The following TICRR variants were observed in gnomAD, a reference collection of about 807,000 sequenced individuals.
The protein encoded by TICRR is TOPBP1 interacting checkpoint and replication regulator.
A neutral mutation model predicts 178.1 loss-of-function variants in TICRR; 132 were observed. The ratio of observed to expected loss-of-function variants is 0.74; its 90% CI spans 0.64 to 0.86. The LOEUF (loss-of-function observed/expected upper bound fraction) is 0.86, where lower values mean the gene tolerates loss of function less well. TICRR is among the 40% of genes least tolerant of loss of function. The pLI, the probability that TICRR is intolerant of heterozygous loss-of-function variation, is 0.00. For synonymous variants in TICRR, 991 were observed against 900.7 expected (o/e 1.10, Z -1.79); for missense variants, 2,587 against 2,334.3 (o/e 1.11, Z -2.23).
rs1567045656 is a variant in TICRR at position 89,601,554 on chromosome 15, G to GA, written c.2313_2314insA (p.Glu772ArgfsTer8). 1 of 1,614,162 alleles carries GA rather than the reference G, an allele frequency of 6.2e-7. No individual in the cohort carries two copies. Among genetic ancestry groups the GA allele is most frequent in the Admixed American group, 1.7e-5 (1 of 60,018 alleles). On this transcript the variant is annotated frameshift_variant, in exon 11 of 22. Transcript: ENST00000268138. LOFTEE classifies it high-confidence loss of function. Reference sequence around the variant, plus strand: ...CAGCGTACCTAGCAGAGTTTCTGGAGGAAATTTTGAGATTGTAAGTTTGAT... The same window carrying GA: ...CAGCGTACCTAGCAGAGTTTCTGGAGAGAAATTTTGAGATTGTAAGTTTGAT...
intron 18 of TICRR, 63 bp downstream of exon 18, chr15:89,619,905 A>G: frequency 6.5e-7 from 1 of 1,532,528 alleles, no homozygotes; most frequent in Non-Finnish European, 8.8e-7. Context: ...TGTTTTTGGG[A>G]AAAGAAGCAA....
rs754886403 is a variant in TICRR at position 89,601,931 on chromosome 15, C to T, written c.2522C>T (p.Ser841Phe). Residue 841 changes from serine (S) to phenylalanine (F), a missense_variant, in exon 12 of 22, where the codon TCT (serine) becomes TTT (phenylalanine). Transcript: ENST00000268138. The part of the protein sequence containing the change: ...ARRSVSGSPE[S>F]DELQELRTRS... ...AGATCAGTGTCAGGCAGCCCTGAAT[C>T]TGATGAACTGCAGGAACTTCGTACC... 3.1e-6 allele frequency: 5 copies of T among 1,614,012 alleles called. No homozygotes were observed. The African/African-American group carries it at 5.3e-5, about 17-fold the overall frequency.
intron 15 of TICRR, 53 bp from the exon 16 acceptor site, chr15:89,616,352 C>T: frequency 6.6e-7 from 1 of 1,520,312 alleles, no homozygotes; most frequent in Non-Finnish European, 9.1e-7. Context: ...CTTACTGCTG[C>T]TTCTTGATGA....
chr15:89,585,307 G>T (rs1962801229), intron 3 of TICRR, among the ~76,000 whole-genome samples: 2 of 152,200 alleles, frequency 1.3e-5, no homozygotes, highest in African/African-American at 4.8e-5. Flanking sequence ...CTGCCTCATG[G>T]TTAAGTACAT....
intron 14 of TICRR, 75 bp from the exon 15 acceptor site, chr15:89,608,728 T>A (rs894665358): frequency 1.5e-6 from 2 of 1,355,116 alleles, no homozygotes; most frequent in African/African-American, 3.0e-5. Context: ...GTTTTGGTTA[T>A]CTTTTCTCAG....
chr15:89,590,406 G>A (rs930369800), intron 4 of TICRR, among the ~76,000 whole-genome samples: 3 of 152,174 alleles, frequency 2.0e-5, no homozygotes, highest in African/African-American at 7.2e-5. Flanking sequence ...AGAAAATTTT[G>A]TATTGTAGAA....
chr15:89,623,622 G>T lies in TICRR; in HGVS notation c.3313-1G>T. 1 of 1,593,886 alleles carries T rather than the reference G, an allele frequency of 6.3e-7. No homozygotes were observed. On this transcript the variant is annotated splice_acceptor_variant, in intron 19 of 21. Coordinates refer to ENST00000268138, the MANE Select transcript of TICRR (RefSeq NM_152259.4). LOFTEE classifies it high-confidence loss of function. ...ACTGAAATAAGCATTTCTCTTTTCA[G>T]ACTCCCAAGAAGAGTCACCAGAAAT...
Position 89,625,505 on chromosome 15 carries a change from C to T in TICRR, c.5195C>T (p.Thr1732Met), listed in dbSNP as rs78573781. 1.5e-3 allele frequency: 2,403 copies of T among 1,613,910 alleles called. 10 individuals carry two copies. In the African/African-American group the frequency reaches 0.019, roughly 13 times the overall value. The change falls in exon 20 of 22, where the codon ACG becomes ATG. Residue 1732 changes from threonine (T) to methionine (M), a missense_variant. Coordinates refer to ENST00000268138, the MANE Select transcript of TICRR (RefSeq NM_152259.4). The stretch of plus-strand genomic sequence containing the variant: ...GGCCTTGAACTCAGCATCCACAGGA[C>T]GCCCATCTTGGAGGATTTTGAGCTC... ...DHGLELSIHR[T>M]PILEDFELEG...
chr15:89,596,795 A>G (rs563109677), intron 7 of TICRR, among the ~76,000 whole-genome samples: 3 of 152,234 alleles, frequency 2.0e-5, no homozygotes, highest in South Asian at 4.1e-4. Flanking sequence ...GGACCCTTAG[A>G]TAGTTAATAG....
chr15:89,617,610 C>T (rs977695275), intron 16 of TICRR, among the ~76,000 whole-genome samples: 1 of 152,132 alleles, frequency 6.6e-6, no homozygotes, highest in Non-Finnish European at 1.5e-5. Flanking sequence ...GCAACCTCTG[C>T]CTCCCAGGTT....
chr15:89,588,820 A>AGTAAGGGG (rs1962863937), intron 4 of TICRR, among the ~76,000 whole-genome samples: 1 of 152,066 alleles, frequency 6.6e-6, no homozygotes, highest in Admixed American at 6.5e-5. Flanking sequence ...GTCTTTGAGG[A>AGTAAGGGG]GTAAGGGGGA....
At chr15:89,576,311 C>G in intron 1 of TICRR, 71 bp downstream of exon 1, 1 of 1,400,776 alleles carries the variant, frequency 7.1e-7, no homozygotes, top group Non-Finnish European at 9.4e-7. Flanking sequence ...TTGGCAGCGT[C>G]CTTAGAACAG....
At chr15:89,620,969 C>T (rs192525444) in intron 18 of TICRR, among the ~76,000 whole-genome samples, 38 of 151,994 alleles carry the variant, frequency 2.5e-4, no homozygotes, top group African/African-American at 8.7e-4. Context: ...GATCTGCCCG[C>T]CTCAGCCTCC....
intron 21 of TICRR, 102 bp downstream of exon 21, chr15:89,626,163 A>T: frequency 7.0e-7 from 1 of 1,434,848 alleles, no homozygotes; most frequent in Non-Finnish European, 9.5e-7. Flanking sequence ...AGGGAGTGCC[A>T]AGTGTGGGAT....
intron 2 of TICRR, among the ~76,000 whole-genome samples, chr15:89,583,256 A>T (rs992801017): frequency 6.6e-6 from 1 of 152,248 alleles, no homozygotes; most frequent in Non-Finnish European, 1.5e-5. Flanking sequence ...GCCCAAGCAC[A>T]TGGGTATACG....
chr15:89,606,152 C>T (rs905807774), intron 13 of TICRR, among the ~76,000 whole-genome samples: 1 of 152,004 alleles, frequency 6.6e-6, no homozygotes, highest in Non-Finnish European at 1.5e-5. Context: ...CCAATAACAC[C>T]AAAGATTTAT....
chr15:89,624,102 A>C lies in TICRR; in HGVS notation c.3792A>C (p.Gln1264His). Residue 1264 changes from glutamine to histidine, a missense_variant, in exon 20 of 22, where the codon CAA becomes CAC. By Grantham distance (24) the Gln-to-His change is conservative. Coordinates refer to ENST00000268138, the MANE Select transcript of TICRR (RefSeq NM_152259.4). ...AAAFMGTPQN[Q>H]THQQPHVLRA... ...CCTTCATGGGCACGCCTCAGAATCAAACACACCAACAGCCCCATGTCCTCA... is the reference window on the plus strand; with the variant it reads ...CCTTCATGGGCACGCCTCAGAATCACACACACCAACAGCCCCATGTCCTCA... 6.2e-7 allele frequency: 1 copy of C among 1,613,920 alleles called. No individual in the cohort carries two copies. Among genetic ancestry groups the C allele is most frequent in the Non-Finnish European group, 8.5e-7 (1 of 1,179,990 alleles).
chr15:89,609,100 C>CT lies in TICRR; in HGVS notation c.2869+179dup, dbSNP rs59398617. On this transcript the variant is annotated intron_variant, in intron 15 of 21. Transcript: ENST00000268138. ...CTAAAGGTTTGTCAATTTTGTTAATCTTTTTTTTTTTTTTTTTTTTTTTTT... is the reference window on the plus strand; with the variant it reads ...CTAAAGGTTTGTCAATTTTGTTAATCTTTTTTTTTTTTTTTTTTTTTTTTTT... 4.3e-3 allele frequency: 364 copies of CT among 84,810 alleles called. 15 individuals are homozygous for CT. The highest frequency in any genetic ancestry group is 9.3e-3 in the South Asian group (48 of 5,162). The allele number at this position is 84,810 out of a possible 1,614,324, so 5.3% of individuals were successfully genotyped here.
Position 89,608,888 on chromosome 15 carries a change from C to A in TICRR, c.2808C>A (p.Ser936Arg), listed in dbSNP as rs768564459. 6.8e-6 allele frequency: 11 copies of A among 1,611,164 alleles called. No individual in the cohort carries two copies. The Admixed American group carries it at 1.9e-4, about 27-fold the overall frequency. Residue 936 changes from serine to arginine, a missense_variant, in exon 15 of 22, where the codon AGC becomes AGA. Physicochemically the swap from Ser to Arg is moderately radical, Grantham distance 110. Transcript: ENST00000268138. ...CACTAAAGCGGGGGTTGCCTAGAAG[C>A]CATTCTGTGTCAGCTGTGGATGGTC... Reference protein sequence around the residue: ...KRSLKRGLPRSHSVSAVDGLE... With the variant: ...KRSLKRGLPRRHSVSAVDGLE...
Sources: gnomAD v4.1 joint callset for allele counts (sites outside exome capture counted in the v4.1 genomes callset) on GRCh38, gnomAD v4.1.1 for gene constraint, MANE v1.5 for transcripts, NCBI Gene and HGNC (gene_info 2026-07-23, HGNC 2026-07-21) for gene names.